DLGAP2: variants seen among roughly 807,000 people sequenced by gnomAD.
The protein encoded by DLGAP2 is disks large-associated protein 2.
Under a neutral mutation model 100.3 loss-of-function variants are expected in DLGAP2, and 26 were observed. The ratio of observed to expected loss-of-function variants is 0.26; its 90% confidence interval spans 0.19 to 0.36. DLGAP2 has a LOEUF of 0.36. Ranked by LOEUF, DLGAP2 falls within the 10% of genes least tolerant of loss-of-function variation. The pLI, the probability that DLGAP2 is intolerant of heterozygous loss-of-function variation, is 1.00. For missense variants in DLGAP2, 1,858 were observed against 1,453.2 expected, an observed-to-expected ratio of 1.28 and a Z score of -4.53; for synonymous variants, 886 against 630.1, an observed-to-expected ratio of 1.41 and a Z score of -6.08.
At position 1,324,822 on chromosome 8, in the gene DLGAP2, A is replaced by G. The variant is rs1361449925; in HGVS notation, c.106+65939A>G. On this transcript the variant is annotated intron_variant, in intron 3 of 14. Transcript: ENST00000637795. ...AGTCACAGCATCTAAAATGAAACTC[A>G]TCTTGGCAGTCCCGTGAAATACGGA... Among the ~76,000 whole-genome samples, 6 of 152,182 alleles carry G rather than the reference A, an allele frequency of 3.9e-5. No homozygotes were observed. The East Asian group carries it at 7.7e-4, about 20-fold the overall frequency.
rs775930767 is a variant in DLGAP2, at chr8:1,465,698, G to C, written c.107-35668G>C. ...GGGCGTGACTGAGGCTCAGACAGCC[G>C]TGTGGAAATGGGACTGGAGAAAGTC... is the stretch of plus-strand genomic sequence containing the variant. On this transcript the variant is annotated intron_variant, in intron 3 of 14. Coordinates refer to ENST00000637795, the MANE Select transcript of DLGAP2 (RefSeq NM_001346810.2). 4.3e-4 allele frequency among the ~76,000 whole-genome samples: 66 copies of C among 152,330 alleles called. 1 individual carries two copies. Among genetic ancestry groups the C allele is most frequent in the African/African-American group, 1.5e-3 (61 of 41,576 alleles).
At chr8:1,295,522 A>G (rs1800151369) in intron 3 of DLGAP2, among the ~76,000 whole-genome samples, 1 of 152,124 alleles carries the variant, frequency 6.6e-6, no homozygotes, top group African/African-American at 2.4e-5. Context: ...GGAGCACCCC[A>G]GCCATCCTGC....
At chr8:1,000,911 C>T (rs544387886) in intron 2 of DLGAP2, among the ~76,000 whole-genome samples, 90 of 152,176 alleles carry the variant, frequency 5.9e-4, no homozygotes, top group Middle Eastern at 6.8e-3. Flanking sequence ...TGGTTCCATG[C>T]GGCCTCCGAG....
At chr8:1,441,831 G>T (rs1396905405) in intron 3 of DLGAP2, among the ~76,000 whole-genome samples, 1 of 149,978 alleles carries the variant, frequency 6.7e-6, no homozygotes, top group East Asian at 2.0e-4. Context: ...GTTCTGGGAT[G>T]TGCAGGACAT....
intron 3 of DLGAP2, among the ~76,000 whole-genome samples, chr8:1,356,833 A>G (rs62487409): frequency 0.11 from 16,336 of 152,210 alleles, 1,010 homozygotes; most frequent in Middle Eastern, 0.18. Context: ...CCACGATGTA[A>G]CACTACAGTA....
At chr8:1,613,542 TAAAAA>T (rs35540568) in intron 6 of DLGAP2, among the ~76,000 whole-genome samples, 3 of 135,920 alleles carry the variant, frequency 2.2e-5, no homozygotes, top group African/African-American at 5.3e-5. Flanking sequence ...TAAAGTATAA[TAAAAA>T]AAAAAAAAGA....
At chr8:1,441,293 C>T (rs1193482822) in intron 3 of DLGAP2, among the ~76,000 whole-genome samples, 19 of 152,032 alleles carry the variant, frequency 1.2e-4, no homozygotes, top group Non-Finnish European at 2.1e-4. Context: ...CATAAAATTA[C>T]GTTACTTATG....
At chr8:808,804 G>A (rs932937948) in intron 1 of DLGAP2, among the ~76,000 whole-genome samples, 1 of 152,106 alleles carries the variant, frequency 6.6e-6, no homozygotes, top group African/African-American at 2.4e-5. Flanking sequence ...TTCTCTTTGA[G>A]AGAAATACTT....
intron 2 of DLGAP2, among the ~76,000 whole-genome samples, chr8:987,334 C>G (rs930426904): frequency 6.6e-6 from 1 of 152,140 alleles, no homozygotes; most frequent in East Asian, 1.9e-4. Flanking sequence ...TTCTGCAGGT[C>G]TCAGTGGGGC....
chr8:1,113,775 A>G (rs2129046301), intron 2 of DLGAP2, among the ~76,000 whole-genome samples: 1 of 152,242 alleles, frequency 6.6e-6, no homozygotes, highest in South Asian at 2.1e-4. Flanking sequence ...GTCTTGTGCT[A>G]GTTTTCAAGG....
chr8:1,617,209 G>A (rs1584999094), intron 6 of DLGAP2, among the ~76,000 whole-genome samples: 1 of 152,276 alleles, frequency 6.6e-6, no homozygotes, highest in African/African-American at 2.4e-5. Flanking sequence ...TGTTTTAATG[G>A]TAGAATGAGT....
At chr8:948,407 C>A (rs1457535345) in intron 2 of DLGAP2, among the ~76,000 whole-genome samples, 1 of 152,176 alleles carries the variant, frequency 6.6e-6, no homozygotes, top group Non-Finnish European at 1.5e-5. Flanking sequence ...GAGGAGTGGG[C>A]GAAGCGGGCG....
At chr8:987,287 C>A (rs1310938912) in intron 2 of DLGAP2, among the ~76,000 whole-genome samples, 3 of 152,078 alleles carry the variant, frequency 2.0e-5, no homozygotes, top group Non-Finnish European at 2.9e-5. Flanking sequence ...GTGAGCTCAG[C>A]TGCAGGTTTA....
intron 5 of DLGAP2, among the ~76,000 whole-genome samples, chr8:1,557,632 T>G (rs1045651785): frequency 2.0e-5 from 3 of 151,840 alleles, no homozygotes; most frequent in Non-Finnish European, 4.4e-5. Flanking sequence ...CCGGGGGGCG[T>G]GTAAAGGCAC....
At chr8:1,241,094 A>ACATGGCGCCATGTCTGGTTCTCTCG (rs1798782558) in intron 2 of DLGAP2, among the ~76,000 whole-genome samples, 1 of 83,916 alleles carries the variant, frequency 1.2e-5, no homozygotes, top group Non-Finnish European at 2.2e-5. Flanking sequence ...TAGTTCTCTC[A>ACATGGCGCCATGTCTGGTTCTCTCG]CATGGCGCCG....
intron 1 of DLGAP2, among the ~76,000 whole-genome samples, chr8:755,920 T>C (rs891796245): frequency 1.3e-5 from 2 of 152,114 alleles, no homozygotes; most frequent in Non-Finnish European, 2.9e-5. Flanking sequence ...GAGTGTGGGA[T>C]AATGCTGGGG....
intron 2 of DLGAP2, among the ~76,000 whole-genome samples, chr8:961,225 T>G (rs60043492): frequency 0.015 from 2,319 of 152,346 alleles, 58 homozygotes; most frequent in African/African-American, 0.053. Flanking sequence ...GCCACTGACT[T>G]CTATCATGTG....
At chr8:754,767 A>G (rs1253477313) in intron 1 of DLGAP2, among the ~76,000 whole-genome samples, 1 of 152,210 alleles carries the variant, frequency 6.6e-6, no homozygotes, top group African/African-American at 2.4e-5. Flanking sequence ...GCTTGAGTCC[A>G]GGAGTCTGAG....
Position 1,149,649 on chromosome 8 carries a change from A to G in DLGAP2, c.74-109202A>G, listed in dbSNP as rs143356274. 1.8e-4 allele frequency among the ~76,000 whole-genome samples: 28 copies of G among 152,332 alleles called. 1 individual carries two copies. In the East Asian group the frequency reaches 5.4e-3, roughly 29 times the overall value. On this transcript the variant is annotated intron_variant, in intron 2 of 14. Transcript: ENST00000637795. ...TTCTATTTTCATCTGGTCAGACTGT[A>G]TATATTAAATGTAATTCATGACATC... is the stretch of plus-strand genomic sequence containing the variant.
Sources: allele counts gnomAD v4.1 joint callset (sites outside exome capture counted in the v4.1 genomes callset), GRCh38; gene constraint gnomAD v4.1.1; transcripts MANE v1.5; gene names NCBI Gene and HGNC (gene_info 2026-07-23, HGNC 2026-07-21).